PRKCA: variants seen among roughly 807,000 people sequenced by gnomAD.
PRKCA encodes the protein protein kinase C alpha type.
In PRKCA, 27 loss-of-function variants were observed where a neutral mutation model predicts 87.0. That is an observed-to-expected ratio of 0.31 (90% CI 0.23 to 0.43). PRKCA has a LOEUF of 0.43. PRKCA is among the 20% of genes least tolerant of loss of function. The pLI is 1.00. For missense variants in PRKCA, 518 were observed against 852.3 expected (o/e 0.61, Z 4.88); for synonymous variants, 329 against 311.1 (o/e 1.06, Z -0.61).
intron 3 of PRKCA, among the ~76,000 whole-genome samples, chr17:66,603,758 G>T (rs1240629402): frequency 6.6e-6 from 1 of 152,070 alleles, no homozygotes; most frequent in Non-Finnish European, 1.5e-5. Context: ...TGAAACACCA[G>T]CTCCTCATTT....
At position 66,656,127 on chromosome 17, in the gene PRKCA, A is replaced by G. The variant is rs78484164; in HGVS notation, c.529+10616A>G. ...GTGCGTGGGAGGCAGCAAGATTGGA[A>G]CAAGGGGCAAAGAGTTGCCAGTGTC... On this transcript the variant is annotated intron_variant, in intron 5 of 16. Coordinates refer to ENST00000413366, the MANE Select transcript of PRKCA (RefSeq NM_002737.3). Among the ~76,000 whole-genome samples, 1,113 of 152,314 alleles carry G rather than the reference A, an allele frequency of 7.3e-3. 11 individuals carry two copies. The highest frequency in any genetic ancestry group is 0.026 in the African/African-American group (1,075 of 41,568).
intron 14 of PRKCA, among the ~76,000 whole-genome samples, chr17:66,781,895 T>TATATATATA (rs1568030817): frequency 7.0e-6 from 1 of 143,286 alleles, no homozygotes; most frequent in East Asian, 2.1e-4. Context: ...ATAGTGTGTG[T>TATATATATA]GTGTGTGTGT....
intron 1 of PRKCA, 92 bp downstream of exon 1, chr17:66,303,116 C>T (rs1256616919): frequency 1.3e-6 from 2 of 1,506,074 alleles, no homozygotes; most frequent in East Asian, 2.5e-5. Context: ...GGGGCTGGCT[C>T]ACTCCGATAA....
At chr17:66,622,104 G>A (rs975253259) in intron 3 of PRKCA, among the ~76,000 whole-genome samples, 1 of 152,148 alleles carries the variant, frequency 6.6e-6, no homozygotes, top group Admixed American at 6.5e-5. Context: ...CAGGAGGATT[G>A]CTTGAGCCCA....
chr17:66,743,854 C>T (rs1275811412), intron 13 of PRKCA, among the ~76,000 whole-genome samples: 2 of 152,196 alleles, frequency 1.3e-5, no homozygotes, highest in Non-Finnish European at 2.9e-5. Context: ...AAGGCACCCA[C>T]AAGCTCAGAA....
intron 1 of PRKCA, 52 bp from the exon 2 acceptor site, chr17:66,306,044 C>A: frequency 6.5e-7 from 1 of 1,550,114 alleles, no homozygotes; most frequent in Non-Finnish European, 8.9e-7. Context: ...TTAAAATATG[C>A]TATCCAACAG....
At chr17:66,724,541 A>G (rs1973695584) in intron 8 of PRKCA, among the ~76,000 whole-genome samples, 1 of 152,220 alleles carries the variant, frequency 6.6e-6, no homozygotes. Flanking sequence ...TATCTGCTTG[A>G]GGTCAGCAGC....
chr17:66,391,595 A>G (rs1910360485), intron 2 of PRKCA, among the ~76,000 whole-genome samples: 4 of 152,236 alleles, frequency 2.6e-5, no homozygotes, highest in Admixed American at 2.6e-4. Context: ...CTAGATGGTC[A>G]CTTAGTAGCC....
At chr17:66,753,767 G>A (rs879638575) in intron 13 of PRKCA, among the ~76,000 whole-genome samples, 4 of 152,066 alleles carry the variant, frequency 2.6e-5, no homozygotes, top group Non-Finnish European at 4.4e-5. Flanking sequence ...GAGGCCACAG[G>A]AGGGTGCATA....
intron 5 of PRKCA, chr17:66,676,779 C>T (rs1294792427): frequency 6.6e-6 from 1 of 152,206 alleles, no homozygotes; most frequent in Non-Finnish European, 1.5e-5. Context: ...GTAAGGTGCA[C>T]ATGAGAGGTG....
intron 2 of PRKCA, among the ~76,000 whole-genome samples, chr17:66,426,326 G>A (rs752982817): frequency 1.6e-4 from 24 of 152,122 alleles, no homozygotes; most frequent in Non-Finnish European, 2.8e-4. Flanking sequence ...AGGAACTTTT[G>A]TAAGTTTTTG....
At chr17:66,410,384 C>T (rs1430232817) in intron 2 of PRKCA, among the ~76,000 whole-genome samples, 1 of 152,160 alleles carries the variant, frequency 6.6e-6, no homozygotes, top group East Asian at 1.9e-4. Flanking sequence ...TTGCTTGTCA[C>T]TGAAAACTGG....
At chr17:66,748,239 A>G (rs1974344145) in intron 13 of PRKCA, among the ~76,000 whole-genome samples, 1 of 152,194 alleles carries the variant, frequency 6.6e-6, no homozygotes. Context: ...CCCGCCCTAC[A>G]GGAATGCCAG....
intron 8 of PRKCA, among the ~76,000 whole-genome samples, chr17:66,694,371 A>G (rs1322613726): frequency 1.3e-5 from 2 of 150,220 alleles, no homozygotes; most frequent in African/African-American, 4.9e-5. Flanking sequence ...AATCCCAGCT[A>G]CTCGGGAGAC....
chr17:66,351,621 T>TA (rs2143425256), intron 2 of PRKCA, among the ~76,000 whole-genome samples: 1 of 152,360 alleles, frequency 6.6e-6, no homozygotes, highest in Non-Finnish European at 1.5e-5. Flanking sequence ...ATGTGTGCTA[T>TA]AAGCTATTCT....
At chr17:66,336,005 A>G (rs1186565113) in intron 2 of PRKCA, among the ~76,000 whole-genome samples, 1 of 152,172 alleles carries the variant, frequency 6.6e-6, no homozygotes, top group African/African-American at 2.4e-5. Flanking sequence ...ATCTTCCCAG[A>G]CACCATGTGT....
intron 14 of PRKCA, chr17:66,774,845 C>T (rs61762765): frequency 0.083 from 82,083 of 985,236 alleles, 3,698 homozygotes; most frequent in African/African-American, 0.16. Flanking sequence ...CTTGGCAATT[C>T]GTTGTAATTT....
intron 2 of PRKCA, among the ~76,000 whole-genome samples, chr17:66,345,017 G>A (rs1907272479): frequency 6.6e-6 from 1 of 152,150 alleles, no homozygotes; most frequent in Non-Finnish European, 1.5e-5. Flanking sequence ...CCTGTTTTAT[G>A]TAATGCCCCT....
At chr17:66,314,547 G>A (rs943164151) in intron 2 of PRKCA, among the ~76,000 whole-genome samples, 1 of 152,200 alleles carries the variant, frequency 6.6e-6, no homozygotes, top group African/African-American at 2.4e-5. Context: ...CGTAAGGGCA[G>A]TTCATCTTTA....
Sources: allele counts gnomAD v4.1 joint callset (sites outside exome capture counted in the v4.1 genomes callset), GRCh38; gene constraint gnomAD v4.1.1; transcripts MANE v1.5; gene names NCBI Gene and HGNC (gene_info 2026-07-23, HGNC 2026-07-21).